The following ACSS3 variants were observed in gnomAD, a reference collection of about 807,000 sequenced individuals.
The protein encoded by ACSS3 is acyl-CoA synthetase short-chain family member 3, mitochondrial.
ACSS3 carries 64 observed loss-of-function variants against 84.2 expected under a neutral mutation model. The ratio of observed to expected loss-of-function variants is 0.76; its 90% CI spans 0.62 to 0.94. The LOEUF (loss-of-function observed/expected upper bound fraction) is 0.94, where lower values mean the gene tolerates loss of function less well. ACSS3 is among the 40% of genes least tolerant of loss of function. The pLI is 0.00. For synonymous variants in ACSS3, 317 were observed against 310.1 expected, an observed-to-expected ratio of 1.02 and a Z score of -0.23; for missense variants, 815 against 867.6, an observed-to-expected ratio of 0.94 and a Z score of 0.76.
intron 2 of ACSS3, among the ~76,000 whole-genome samples, chr12:81,127,781 G>T (rs533226209): frequency 1.3e-5 from 2 of 152,142 alleles, no homozygotes; most frequent in South Asian, 4.2e-4. Flanking sequence ...TGGAAACTAG[G>T]GAACTATCTT....
chr12:81,234,810 G>A (rs2033577996), intron 13 of ACSS3, among the ~76,000 whole-genome samples: 1 of 150,956 alleles, frequency 6.6e-6, no homozygotes, highest in South Asian at 2.1e-4. Context: ...TCCTTTATCT[G>A]ATATGCAGTT....
intron 9 of ACSS3, 82 bp downstream of exon 9, chr12:81,199,526 C>G (rs563342192): frequency 6.7e-7 from 1 of 1,487,608 alleles, no homozygotes; most frequent in Non-Finnish European, 9.2e-7. Flanking sequence ...TTTTGAGCTA[C>G]GACCAGCAGA....
At chr12:81,126,254 G>T (rs1885088465) in intron 2 of ACSS3, among the ~76,000 whole-genome samples, 1 of 152,220 alleles carries the variant, frequency 6.6e-6, no homozygotes, top group Non-Finnish European at 1.5e-5. Context: ...GTGAGTAAAA[G>T]CAGGAGAAAG....
intron 8 of ACSS3, among the ~76,000 whole-genome samples, chr12:81,180,224 A>G (rs981040807): frequency 2.6e-5 from 4 of 152,194 alleles, no homozygotes; most frequent in Admixed American, 2.6e-4. Context: ...CACAAGGGGT[A>G]GAGTGTGGAG....
chr12:81,159,828 T>C (rs188485009), intron 7 of ACSS3, among the ~76,000 whole-genome samples: 10 of 152,336 alleles, frequency 6.6e-5, no homozygotes, highest in African/African-American at 2.4e-4. Context: ...AGAGATATGC[T>C]CCCTTGCCTC....
At chr12:81,174,686 C>A (rs1175789064) in intron 7 of ACSS3, 102 bp from the exon 8 acceptor site, 4 of 1,209,048 alleles carry the variant, frequency 3.3e-6, no homozygotes, top group South Asian at 1.8e-5. Flanking sequence ...TTGTTGAAAA[C>A]CCCTTATTAT....
intron 8 of ACSS3, among the ~76,000 whole-genome samples, chr12:81,176,036 A>G (rs968758589): frequency 6.6e-6 from 1 of 152,186 alleles, no homozygotes; most frequent in Non-Finnish European, 1.5e-5. Context: ...ATGCTAAAAA[A>G]CCATATGAAA....
intron 4 of ACSS3, 136 bp downstream of exon 4, chr12:81,139,401 T>A (rs1593117451): frequency 3.7e-6 from 3 of 817,708 alleles, no homozygotes; most frequent in South Asian, 2.0e-5. Flanking sequence ...TTCTAAAAAA[T>A]ATATGAATAA....
chr12:81,156,457 A>C (rs1474709855), intron 7 of ACSS3, among the ~76,000 whole-genome samples: 3 of 152,110 alleles, frequency 2.0e-5, no homozygotes, highest in Non-Finnish European at 4.4e-5. Context: ...AGGTAAAAGC[A>C]GGAATCAATA....
intron 5 of ACSS3, among the ~76,000 whole-genome samples, chr12:81,145,702 G>A (rs1300671262): frequency 6.6e-6 from 1 of 152,190 alleles, no homozygotes; most frequent in Non-Finnish European, 1.5e-5. Context: ...AATAGAATCA[G>A]AAGGATGGTT....
intron 5 of ACSS3, among the ~76,000 whole-genome samples, chr12:81,146,117 T>G (rs1886328176): frequency 6.6e-6 from 1 of 152,214 alleles, no homozygotes; most frequent in African/African-American, 2.4e-5. Flanking sequence ...TTATTTACTT[T>G]TATAACAATG....
At chr12:81,242,074 C>T (rs1295702385) in intron 13 of ACSS3, among the ~76,000 whole-genome samples, 3 of 152,082 alleles carry the variant, frequency 2.0e-5, no homozygotes, top group Admixed American at 6.6e-5. Context: ...GTTTTCCCAG[C>T]ACCATTTATT....
intron 13 of ACSS3, among the ~76,000 whole-genome samples, chr12:81,242,538 G>T (rs1488462894): frequency 6.7e-5 from 10 of 150,036 alleles, no homozygotes; most frequent in Non-Finnish European, 1.2e-4. Context: ...TACCAAAGCT[G>T]GGCAGAGACA....
chr12:81,233,793 G>T (rs1162052642), intron 13 of ACSS3, among the ~76,000 whole-genome samples: 1 of 151,528 alleles, frequency 6.6e-6, no homozygotes, highest in East Asian at 1.9e-4. Flanking sequence ...TAATCATCAG[G>T]TTTGCACATG....
chr12:81,098,125 A>C (rs1387183025), intron 1 of ACSS3, among the ~76,000 whole-genome samples: 1 of 140,374 alleles, frequency 7.1e-6, no homozygotes, highest in South Asian at 2.4e-4. Context: ...AAATGGTCCC[A>C]GTATGAGAGA....
intron 8 of ACSS3, among the ~76,000 whole-genome samples, chr12:81,188,846 A>G (rs2031416713): frequency 6.6e-6 from 1 of 152,174 alleles, no homozygotes; most frequent in African/African-American, 2.4e-5. Context: ...GTTCAATTCC[A>G]AAGTATAGAT....
intron 9 of ACSS3, among the ~76,000 whole-genome samples, chr12:81,216,464 A>G (rs143061494): frequency 1.3e-5 from 2 of 152,356 alleles, no homozygotes; most frequent in Non-Finnish European, 2.9e-5. Context: ...TGAGCTAGAA[A>G]TAACAAAAAT....
chr12:81,183,641 G>A lies in ACSS3; in HGVS notation c.1250+8702G>A, dbSNP rs2031079887. Reference sequence around the variant, plus strand: ...GTAAATGCCATCCATAAGAGAGCAGGAGTGGTTATACTTACATCTGATAAA... The same window carrying A: ...GTAAATGCCATCCATAAGAGAGCAGAAGTGGTTATACTTACATCTGATAAA... On this transcript the variant is annotated intron_variant, in intron 8 of 15. Transcript: ENST00000548058. Among the ~76,000 whole-genome samples, 4 of 152,112 alleles carry A rather than the reference G, an allele frequency of 2.6e-5. No individual in the cohort carries two copies. The South Asian group carries it at 8.3e-4, about 32-fold the overall frequency.
intron 2 of ACSS3, among the ~76,000 whole-genome samples, chr12:81,121,294 A>T (rs1313910490): frequency 6.6e-6 from 1 of 152,186 alleles, no homozygotes; most frequent in Non-Finnish European, 1.5e-5. Context: ...TGTTTGTTTA[A>T]TTAGAACTTT....
Sources: gnomAD v4.1 joint callset for allele counts (sites outside exome capture counted in the v4.1 genomes callset) on GRCh38, gnomAD v4.1.1 for gene constraint, MANE v1.5 for transcripts, NCBI Gene and HGNC (gene_info 2026-07-23, HGNC 2026-07-21) for gene names.